Variants in SMG1 observed in about 807,000 individuals in gnomAD.
SMG1 encodes the protein SMG1 nonsense mediated mRNA decay associated PI3K related kinase.
Under a neutral mutation model 419.9 loss-of-function variants are expected in SMG1, and 22 were observed. The ratio of observed to expected loss-of-function variants is 0.05; its 90% CI spans 0.04 to 0.07. The LOEUF is 0.07. Ranked by LOEUF, SMG1 falls within the 10% of genes least tolerant of loss-of-function variation. The pLI is 1.00. For missense variants in SMG1, 3,185 were observed against 4,342.0 expected (o/e 0.73, Z 7.49); for synonymous variants, 1,538 against 1,553.5 (o/e 0.99, Z 0.23).
chr16:18,814,058 T>TAAAAA (rs1258798212), intron 60 of SMG1, among the ~76,000 whole-genome samples: 2 of 124,176 alleles, frequency 1.6e-5, no homozygotes, highest in Admixed American at 8.1e-5. Context: ...TAAATTAAAT[T>TAAAAA]AAAAAAAAAT....
Position 18,807,178 on chromosome 16 carries a change from C to T in SMG1, c.*2391G>A, listed in dbSNP as rs1338810456. On this transcript the variant is annotated 3_prime_UTR_variant, in exon 63 of 63. Coordinates refer to ENST00000446231, the MANE Select transcript of SMG1 (RefSeq NM_015092.5). ...GCCTGAAAACACAGGCAATAAAATT[C>T]ACCTATTTATCTTCTTTACCAAAGA... 6.6e-6 allele frequency: 1 copy of T among 152,208 alleles called. No homozygotes were observed. The highest frequency in any genetic ancestry group is 1.5e-5 in the Non-Finnish European group (1 of 68,034). 9.4% of individuals were successfully genotyped at this position (152,208 alleles called of 1,614,324 possible). A position where few individuals can be genotyped will look rare whatever the true frequency, so the allele number is the denominator to read the frequency against.
At chr16:18,835,856 G>A (rs577932155) in intron 48 of SMG1, 77 bp downstream of exon 48, 56 of 1,407,196 alleles carry the variant, frequency 4.0e-5, no homozygotes, top group Non-Finnish European at 4.4e-5. Context: ...CCAAGATCAT[G>A]CCACCACACT....
Position 18,854,886 on chromosome 16 carries a change from C to G in SMG1, c.4253G>C (p.Arg1418Thr), listed in dbSNP as rs17731779. The G allele has an allele frequency of 0.02, 32,314 of 1,613,854 alleles. 463 individuals are homozygous for G. The highest frequency in any genetic ancestry group is 0.022 in the Non-Finnish European group (26,360 of 1,179,812). The change falls in exon 30 of 63, where the codon AGA becomes ACA. Residue 1418 changes from arginine to threonine, a missense_variant. Physicochemically the swap from Arg to Thr is moderately conservative, Grantham distance 71 (BLOSUM62 -1). Around this residue, in one of 27 missense-constraint regions of SMG1, gnomAD observed 493 missense variants for 552.9 expected, o/e 0.89. Transcript: ENST00000446231. ...TAGACCTAATTCCATGAGATGGCTT[C>G]TAATTGGGACTGTTTGTTCTGAAGA... ...EKIKEQTVPI[R>T]SHLMELGLTA...
At chr16:18,860,235 G>T (rs1156907857) in intron 26 of SMG1, among the ~76,000 whole-genome samples, 3 of 151,992 alleles carry the variant, frequency 2.0e-5, no homozygotes, top group Non-Finnish European at 4.4e-5. Flanking sequence ...AAGAAAATCG[G>T]TAAGTCAATC....
At chr16:18,880,886 AGGAGCTATAGTG>A (rs2036359592) in intron 10 of SMG1, among the ~76,000 whole-genome samples, 1 of 151,366 alleles carries the variant, frequency 6.6e-6, no homozygotes, top group African/African-American at 2.4e-5. Flanking sequence ...AAAAATTAGC[AGGAGCTATAGTG>A]GGAAGATCAC....
At chr16:18,879,116 TA>T (rs1387934070) in intron 11 of SMG1, 1 of 291,738 alleles carries the variant, frequency 3.4e-6, no homozygotes, top group East Asian at 8.8e-5. Flanking sequence ...GCAAAGCCCT[TA>T]TTTTTTTTTC....
intron 1 of SMG1, among the ~76,000 whole-genome samples, chr16:18,914,544 C>T (rs1488759349): frequency 1.3e-5 from 2 of 151,718 alleles, no homozygotes; most frequent in East Asian, 3.9e-4. Flanking sequence ...ATTAGCCAGG[C>T]GTGGTGGCAA....
Position 18,833,030 on chromosome 16 carries a change from T to C in SMG1, c.8702A>G (p.Gln2901Arg). The C allele has an allele frequency of 1.2e-6, 2 of 1,614,022 alleles. No individual in the cohort carries two copies. Among genetic ancestry groups the C allele is most frequent in the Non-Finnish European group, 1.7e-6 (2 of 1,179,894 alleles). Residue 2901 changes from glutamine to arginine, a missense_variant, in exon 51 of 63, where the codon CAG becomes CGG. This residue lies in a region of SMG1 where 737 missense variants were observed against 846.6 expected (regional missense o/e 0.87). Coordinates refer to ENST00000446231, the MANE Select transcript of SMG1 (RefSeq NM_015092.5). ...IEQTTDGVPL[Q>R]TLVESLQAYL... ...GGCCTGAAGAGATTCCACTAGAGTC[T>C]GCAGGGGAACGCCATCGGTGGTCTG...
chr16:18,852,980 G>A (rs1241432871), intron 31 of SMG1, among the ~76,000 whole-genome samples: 2 of 152,108 alleles, frequency 1.3e-5, no homozygotes, highest in Non-Finnish European at 2.9e-5. Context: ...TATCCTTTAT[G>A]AATATCAAGA....
chr16:18,862,040 A>G (rs928447099), intron 25 of SMG1, among the ~76,000 whole-genome samples: 4 of 152,170 alleles, frequency 2.6e-5, no homozygotes, highest in African/African-American at 9.7e-5. Flanking sequence ...ATTTCCCTCC[A>G]GCAACAGCTT....
chr16:18,839,569 AT>A lies in SMG1; in HGVS notation c.6945+128del, dbSNP rs1322418816. 3.3e-6 allele frequency: 4 copies of A among 1,222,240 alleles called. No individual in the cohort carries two copies. The African/African-American group carries it at 6.0e-5, about 18-fold the overall frequency. 75.7% of individuals were successfully genotyped at this position (1,222,240 alleles called of 1,614,324 possible). On this transcript the variant is annotated intron_variant, in intron 42 of 62. Coordinates refer to ENST00000446231, the MANE Select transcript of SMG1 (RefSeq NM_015092.5). ...TTTATAACTGTAATATTAAACTCAA[AT>A]ATACGTCTCAAACTACCAAGTCTGG...
At chr16:18,860,134 C>T (rs1033664064) in intron 26 of SMG1, among the ~76,000 whole-genome samples, 4 of 152,198 alleles carry the variant, frequency 2.6e-5, no homozygotes, top group African/African-American at 9.6e-5. Context: ...AGGAGAATCA[C>T]TTGAACTCAG....
At chr16:18,886,083 G>C (rs2036600099) in intron 6 of SMG1, among the ~76,000 whole-genome samples, 1 of 152,020 alleles carries the variant, frequency 6.6e-6, no homozygotes, top group Non-Finnish European at 1.5e-5. Context: ...GTTAACATTA[G>C]TCCTTAATAA....
At chr16:18,916,002 G>C (rs1015180772) in intron 1 of SMG1, among the ~76,000 whole-genome samples, 3 of 144,462 alleles carry the variant, frequency 2.1e-5, no homozygotes, top group African/African-American at 7.7e-5. Flanking sequence ...CCGGGAGGCA[G>C]AGGTTGCAGT....
At chr16:18,812,200 G>A in intron 60 of SMG1, 73 bp from the exon 61 acceptor site, 1 of 1,447,806 alleles carries the variant, frequency 6.9e-7, no homozygotes, top group East Asian at 2.3e-5. Flanking sequence ...AGCAAGCACG[G>A]GATAGGTGGT....
At chr16:18,835,501 C>T (rs891535569) in intron 48 of SMG1, among the ~76,000 whole-genome samples, 6 of 152,082 alleles carry the variant, frequency 3.9e-5, no homozygotes, top group African/African-American at 7.2e-5. Flanking sequence ...ATTGTTCAGG[C>T]GTGGTGACAC....
chr16:18,820,862 G>A (rs1405032096), intron 55 of SMG1, among the ~76,000 whole-genome samples: 1 of 152,124 alleles, frequency 6.6e-6, no homozygotes, highest in Non-Finnish European at 1.5e-5. Context: ...AGTTACTACT[G>A]AGTACATGAA....
chr16:18,875,025 T>TA (rs1050695866), intron 13 of SMG1: 20 of 150,958 alleles, frequency 1.3e-4, no homozygotes, highest in African/African-American at 4.6e-4. Context: ...CTTGCATATA[T>TA]ATAAAATGAG....
rs946939835 is a variant in SMG1, at chr16:18,805,902, T to C, written c.*3667A>G. 1 of 152,642 alleles carries C rather than the reference T, an allele frequency of 6.6e-6. No homozygotes were observed. The highest frequency in any genetic ancestry group is 1.5e-5 in the Non-Finnish European group (1 of 68,038). The allele number at this position is 152,642 out of a possible 1,614,324, so 9.5% of individuals were successfully genotyped here. A position where few individuals can be genotyped will look rare whatever the true frequency, so the allele number is the denominator to read the frequency against. On this transcript the variant is annotated 3_prime_UTR_variant, in exon 63 of 63. Transcript: ENST00000446231. The stretch of plus-strand genomic sequence containing the variant: ...TTCACTGATATTTGATGTATCTGAA[T>C]AGGACTAACAGGCTAATTGTAGGTG...
Sources: allele counts gnomAD v4.1 joint callset (sites outside exome capture counted in the v4.1 genomes callset), GRCh38; gene constraint gnomAD v4.1.1; regional missense constraint gnomAD v4.1.1; transcripts MANE v1.5; gene names NCBI Gene and HGNC (gene_info 2026-07-23, HGNC 2026-07-21).